Variants in CAPN14 observed in about 807,000 individuals in gnomAD.
CAPN14 encodes the protein calpain 14, also known as calpain-14.
In CAPN14, 94 loss-of-function variants were observed where a neutral mutation model predicts 101.3. The observed-to-expected ratio is 0.93, with a 90% confidence interval of 0.79 to 1.10. The LOEUF (loss-of-function observed/expected upper bound fraction) is 1.10, where lower values mean the gene tolerates loss of function less well. Ranked by LOEUF, CAPN14 falls within the 50% of genes least tolerant of loss-of-function variation. The pLI is 0.00. For synonymous variants in CAPN14, 338 were observed against 317.9 expected (o/e 1.06, Z -0.67); for missense variants, 837 against 828.4 (o/e 1.01, Z -0.13).
chr2:31,214,366 G>T (rs566239231), intron 1 of CAPN14, among the ~76,000 whole-genome samples: 2 of 152,286 alleles, frequency 1.3e-5, no homozygotes, highest in Admixed American at 6.5e-5. Flanking sequence ...GCCTGATTTA[G>T]GTTGAGGGAG....
chr2:31,191,416 CAA>C lies in CAPN14; in HGVS notation c.1279-11_1279-10del. On this transcript the variant is annotated splice_polypyrimidine_tract_variant and intron_variant, in intron 11 of 21. Coordinates refer to ENST00000403897, the MANE Select transcript of CAPN14 (RefSeq NM_001145122.2). ...GAACTCACCTTGTTCATCTAAAAAA[CAA>C]AAACAAAAACAGAAAAAAAAAAAAA... is the stretch of plus-strand genomic sequence containing the variant. 1 of 1,316,302 alleles carries C rather than the reference CAA, an allele frequency of 7.6e-7. No individual in the cohort carries two copies. Among genetic ancestry groups the C allele is most frequent in the East Asian group, 2.8e-5 (1 of 36,000 alleles). The allele number at this position is 1,316,302 out of a possible 1,614,324, so 81.5% of individuals were successfully genotyped here.
At chr2:31,225,519 C>G (rs904202014) in intron 2 of CAPN14, among the ~76,000 whole-genome samples, 1 of 151,810 alleles carries the variant, frequency 6.6e-6, no homozygotes, top group Non-Finnish European at 1.5e-5. Flanking sequence ...AAAATAAAAC[C>G]ATGGATGAAT....
rs568354159 is a variant in CAPN14, at chr2:31,187,932, C to A, written c.1531-118G>T. On this transcript the variant is annotated intron_variant, in intron 14 of 21. Coordinates refer to ENST00000403897, the MANE Select transcript of CAPN14 (RefSeq NM_001145122.2). ...GAAATCCATGAGCTTGACTTTGCAT[C>A]GTCTTTAATTTTACACCATAGCATT... 138 of 819,828 alleles carry A rather than the reference C, an allele frequency of 1.7e-4. 1 individual carries two copies. Among genetic ancestry groups the A allele is most frequent in the Middle Eastern group, 9.1e-4 (4 of 4,414 alleles). 50.8% of individuals were successfully genotyped at this position (819,828 alleles called of 1,614,324 possible). A position where few individuals can be genotyped will look rare whatever the true frequency, so the allele number is the denominator to read the frequency against.
chr2:31,212,904 C>T (rs1364583171), intron 1 of CAPN14, among the ~76,000 whole-genome samples: 2 of 152,220 alleles, frequency 1.3e-5, no homozygotes, highest in Admixed American at 1.3e-4. Flanking sequence ...ACTCTGGCAT[C>T]TTGCCACAAC....
intron 1 of CAPN14, among the ~76,000 whole-genome samples, chr2:31,206,038 A>G (rs9752146): frequency 1.0e-5 from 1 of 98,588 alleles, no homozygotes; most frequent in Non-Finnish European, 2.0e-5. Context: ...TTATTTATTT[A>G]TTTTTTTTTT....
rs1681802531 is a variant in CAPN14 at position 31,201,902 on chromosome 2, T to G, written c.511A>C (p.Asn171His). 2 of 1,551,592 alleles carry G rather than the reference T, an allele frequency of 1.3e-6. No individual in the cohort carries two copies. The part of the protein sequence containing the change: ...QLVFVSSTYK[N>H]LFWGALLEKA... Reference sequence around the variant, plus strand: ...TCCAGAAGTGCTCCCCAGAACAAGTTCTTATAGGTGGAGGAGACAAAGACC... The same window carrying G: ...TCCAGAAGTGCTCCCCAGAACAAGTGCTTATAGGTGGAGGAGACAAAGACC... The change falls in exon 5 of 22, where the codon AAC (asparagine) becomes CAC (histidine). Residue 171 changes from asparagine to histidine, a missense_variant. By Grantham distance (68) the Asn-to-His change is moderately conservative. Transcript: ENST00000403897.
chr2:31,203,660 G>A (rs1437696749), intron 2 of CAPN14, among the ~76,000 whole-genome samples: 1 of 152,170 alleles, frequency 6.6e-6, no homozygotes, highest in African/African-American at 2.4e-5. Flanking sequence ...GTAGAACAGA[G>A]TCTCTATGTC....
chr2:31,197,068 A>G (rs6543617), intron 8 of CAPN14, among the ~76,000 whole-genome samples, 181 bp downstream of exon 8: 56,504 of 152,170 alleles, frequency 0.37, 12,955 homozygotes, highest in East Asian at 0.58. Flanking sequence ...ATAATGAAAG[A>G]GAAAGCAGTC....
rs1195653163 is a variant in CAPN14, at chr2:31,202,013, T to C, written c.415-15A>G. 6.4e-7 allele frequency: 1 copy of C among 1,550,954 alleles called. No individual in the cohort carries two copies. The highest frequency in any genetic ancestry group is 1.4e-5 in the African/African-American group (1 of 72,990). ...TAGTGCCAGAACTGGAGGGAGAGAG[T>C]GGCCCCGGGTGAATGAGGACTGCTG... On this transcript the variant is annotated splice_polypyrimidine_tract_variant and intron_variant, in intron 4 of 21. Transcript: ENST00000403897.
Position 31,205,225 on chromosome 2 carries a change from G to A in CAPN14, c.223C>T (p.Pro75Ser), listed in dbSNP as rs765793610. The A allele has an allele frequency of 3.0e-5, 46 of 1,549,376 alleles. No homozygotes were observed. The African/African-American group carries it at 6.2e-4, about 21-fold the overall frequency. The change falls in exon 2 of 22, where the codon CCG becomes TCG. Residue 75 changes from proline (P) to serine (S), a missense_variant and splice_region_variant. Coordinates refer to ENST00000403897, the MANE Select transcript of CAPN14 (RefSeq NM_001145122.2). ...LPPRLQWKRPPELHSNPQFYF... is the reference protein window; with the variant it reads ...LPPRLQWKRPSELHSNPQFYF... ...TGGGCTGACACATTTTGCCTCACCG[G>A]GGGCCTCTTCCACTGCAGGCGGGGT...
chr2:31,227,288 G>A (rs1259159554), intron 1 of CAPN14, among the ~76,000 whole-genome samples: 1 of 152,180 alleles, frequency 6.6e-6, no homozygotes, highest in Non-Finnish European at 1.5e-5. Context: ...CTGCCAAGGA[G>A]AGCTGCTATG....
At chr2:31,217,839 C>A (rs902469909), upstream of CAPN14, among the ~76,000 whole-genome samples, 2 of 152,126 alleles carry the variant, frequency 1.3e-5, no homozygotes, top group Admixed American at 1.3e-4. Context: ...GCTTGCTCAC[C>A]TCCCCACAAC....
In CAPN14 at chr2:31,177,072, G is replaced by A; in HGVS notation, c.1926C>T (p.Asp642=). 1.9e-6 allele frequency: 3 copies of A among 1,551,570 alleles called. No individual in the cohort carries two copies. The highest frequency in any genetic ancestry group is 2.6e-6 in the Non-Finnish European group (3 of 1,146,874). Reference sequence around the variant, plus strand: ...GCATCAAGTGGATGAAACTGACAAAGTCCATCTGGAGGCGGGGGCCGCCGT... The same window carrying A: ...GCATCAAGTGGATGAAACTGACAAAATCCATCTGGAGGCGGGGGCCGCCGT... ...IRYGGPRLQM[D]FVSFIHLMLR... is the part of the protein sequence containing the mutation. The change falls in exon 20 of 22, where the codon GAC becomes GAT. Residue 642 remains aspartate, a synonymous_variant. Coordinates refer to ENST00000403897, the MANE Select transcript of CAPN14 (RefSeq NM_001145122.2).
rs986858500 is a variant in CAPN14, at chr2:31,216,314, C to A, written c.-53+1142G>T. ...ATACCACTGATAGTTACATCAATTC[C>A]ATTCCTTTTCTACTGCTTGTTTTGA... On this transcript the variant is annotated intron_variant, in intron 1 of 21. Transcript: ENST00000403897. Among the ~76,000 whole-genome samples the A allele has an allele frequency of 3.3e-5, 5 of 152,158 alleles. No homozygotes were observed. The East Asian group carries it at 9.6e-4, about 29-fold the overall frequency.
upstream of CAPN14, among the ~76,000 whole-genome samples, chr2:31,220,036 G>C (rs1279021426): frequency 6.6e-6 from 1 of 151,966 alleles, no homozygotes; most frequent in Non-Finnish European, 1.5e-5. Flanking sequence ...ATTCCTTCAG[G>C]GCACGGGAAA....
chr2:31,220,195 G>A (rs1214326790), upstream of CAPN14, among the ~76,000 whole-genome samples: 1 of 152,032 alleles, frequency 6.6e-6, no homozygotes, highest in Non-Finnish European at 1.5e-5. Flanking sequence ...GAAATAAGAA[G>A]TAAAAAAATC....
rs1045721192 is a variant in CAPN14 at position 31,191,829 on chromosome 2, G to C, written c.1278+106C>G. The C allele has an allele frequency of 7.2e-5, 83 of 1,157,622 alleles. No homozygotes were observed. The African/African-American group carries it at 1.2e-3, about 17-fold the overall frequency. 71.7% of individuals were successfully genotyped at this position (1,157,622 alleles called of 1,614,324 possible). A position where few individuals can be genotyped will look rare whatever the true frequency, so the allele number is the denominator to read the frequency against. On this transcript the variant is annotated intron_variant, in intron 11 of 21. Transcript: ENST00000403897. ...AGCCTGGATTTGAAAACCCAGGTCT[G>C]TGAACAGAGACAGATGGTGAAGAAG...
intron 3 of CAPN14, among the ~76,000 whole-genome samples, chr2:31,202,785 G>A (rs916854744): frequency 8.5e-5 from 13 of 152,172 alleles, no homozygotes; most frequent in Admixed American, 8.5e-4. Flanking sequence ...AAAATAGAGT[G>A]AGCACATTTT....
At chr2:31,181,982 T>C (rs1341641228) in intron 16 of CAPN14, among the ~76,000 whole-genome samples, 11 of 152,020 alleles carry the variant, frequency 7.2e-5, no homozygotes, top group Admixed American at 4.6e-4. Flanking sequence ...GCAATAAACA[T>C]ACATGTGCAT....
Sources: gnomAD v4.1 joint callset for allele counts (sites outside exome capture counted in the v4.1 genomes callset) on GRCh38, gnomAD v4.1.1 for gene constraint, MANE v1.5 for transcripts, NCBI Gene and HGNC (gene_info 2026-07-23, HGNC 2026-07-21) for gene names.